Variants in COX7B2 observed in about 807,000 individuals in gnomAD.
COX7B2 encodes cytochrome c oxidase subunit 7B2, mitochondrial.
For synonymous variants in COX7B2, 37 were observed against 32.1 expected, an observed-to-expected ratio of 1.15 and a Z score of -0.51; for missense variants, 109 against 95.9, an observed-to-expected ratio of 1.14 and a Z score of -0.57.
chr4:46,872,771 C>T (rs2203139), intron 1 of COX7B2, among the ~76,000 whole-genome samples: 56,267 of 151,964 alleles, frequency 0.37, 10,572 homozygotes, highest in South Asian at 0.49. Flanking sequence ...CCTAACTTCC[C>T]TCATCCACAA....
At chr4:46,764,517 T>G (rs371495800) in intron 2 of COX7B2, among the ~76,000 whole-genome samples, 5 of 151,780 alleles carry the variant, frequency 3.3e-5, no homozygotes, top group African/African-American at 1.2e-4. Flanking sequence ...CACTCCAGTC[T>G]GGGCAACAGA....
At chr4:46,896,746 A>G (rs1166665629) in intron 1 of COX7B2, among the ~76,000 whole-genome samples, 3 of 152,168 alleles carry the variant, frequency 2.0e-5, no homozygotes, top group Admixed American at 6.5e-5. Context: ...TTTTGCCAAT[A>G]GCAAGCAACA....
chr4:46,889,751 G>A (rs1377630026), intron 1 of COX7B2, among the ~76,000 whole-genome samples: 5 of 152,076 alleles, frequency 3.3e-5, no homozygotes, highest in Non-Finnish European at 7.4e-5. Flanking sequence ...CTTAGTACAG[G>A]AACAAAGGTG....
intron 1 of COX7B2, among the ~76,000 whole-genome samples, chr4:46,897,238 C>G (rs144418747): frequency 2.1e-3 from 324 of 152,280 alleles, no homozygotes; most frequent in African/African-American, 7.4e-3. Flanking sequence ...GAACTGCCAG[C>G]TCTTGTAAAA....
At chr4:46,847,265 T>C (rs1230874524) in intron 1 of COX7B2, among the ~76,000 whole-genome samples, 1 of 151,936 alleles carries the variant, frequency 6.6e-6, no homozygotes, top group Non-Finnish European at 1.5e-5. Context: ...CGGTGAGATG[T>C]ATGTGAAGCA....
chr4:46,751,577 G>A (rs1431653485), intron 2 of COX7B2, among the ~76,000 whole-genome samples: 3 of 152,086 alleles, frequency 2.0e-5, no homozygotes, highest in Non-Finnish European at 2.9e-5. Context: ...AATCAGTTTA[G>A]TGTGAGAGCA....
At chr4:46,776,292 T>C (rs1340508322) in intron 2 of COX7B2, among the ~76,000 whole-genome samples, 1 of 152,124 alleles carries the variant, frequency 6.6e-6, no homozygotes, top group Non-Finnish European at 1.5e-5. Flanking sequence ...AATATAACTT[T>C]TTGAACTTTG....
At chr4:46,784,311 CTTAGACA>C (rs1392322728) in intron 2 of COX7B2, among the ~76,000 whole-genome samples, 1 of 151,854 alleles carries the variant, frequency 6.6e-6, no homozygotes, top group Non-Finnish European at 1.5e-5. Flanking sequence ...ATAATTTAGC[CTTAGACA>C]TTAAAGATTA....
intron 2 of COX7B2, among the ~76,000 whole-genome samples, chr4:46,834,715 T>C (rs1025349290): frequency 3.3e-5 from 5 of 152,104 alleles, no homozygotes; most frequent in African/African-American, 1.2e-4. Context: ...TATTTAAATA[T>C]AGAATATGAA....
intron 2 of COX7B2, among the ~76,000 whole-genome samples, chr4:46,790,935 A>G (rs1158478021): frequency 6.6e-6 from 1 of 152,142 alleles, no homozygotes; most frequent in Non-Finnish European, 1.5e-5. Flanking sequence ...ATTTCATGAG[A>G]GAAGTTTGTT....
chr4:46,820,470 C>T (rs550883537), intron 2 of COX7B2, among the ~76,000 whole-genome samples: 6 of 152,212 alleles, frequency 3.9e-5, no homozygotes, highest in African/African-American at 1.4e-4. Context: ...GGGCTGGTAC[C>T]GGTCCATGGC....
chr4:46,867,739 G>C (rs1199027875), intron 1 of COX7B2, among the ~76,000 whole-genome samples: 3 of 152,134 alleles, frequency 2.0e-5, no homozygotes, highest in African/African-American at 7.2e-5. Context: ...CATCATGATG[G>C]ATTTTAGCTT....
At position 46,858,716 on chromosome 4, in the gene COX7B2, A is replaced by C. The variant is rs541301584; in HGVS notation, c.-104-13702T>G. Among the ~76,000 whole-genome samples, 37 of 152,274 alleles carry C rather than the reference A, an allele frequency of 2.4e-4. No individual in the cohort carries two copies. In the South Asian group the frequency reaches 7.5e-3, roughly 31 times the overall value. ...GAATGCTGCGTGTGTGTGTGTGTAC[A>C]GATGTGGCATTTGCCTGAGTCATAG... On this transcript the variant is annotated intron_variant, in intron 1 of 2. Coordinates refer to ENST00000355591, the MANE Select transcript of COX7B2 (RefSeq NM_130902.3).
Position 46,863,732 on chromosome 4 carries a change from T to C in COX7B2, c.-104-18718A>G, listed in dbSNP as rs546760400. 1.9e-4 allele frequency among the ~76,000 whole-genome samples: 29 copies of C among 152,358 alleles called. No homozygotes were observed. In the South Asian group the frequency reaches 4.1e-3, roughly 22 times the overall value. ...TGACCTTTTCTCCTCTGGTTTTAAC[T>C]CTTCATATTGACTGATGCTGAAATA... On this transcript the variant is annotated intron_variant, in intron 1 of 2. Coordinates refer to ENST00000355591, the MANE Select transcript of COX7B2 (RefSeq NM_130902.3).
chr4:46,804,272 CAA>C (rs747361037), intron 2 of COX7B2, among the ~76,000 whole-genome samples: 32 of 152,174 alleles, frequency 2.1e-4, no homozygotes, highest in Admixed American at 2.0e-4. Context: ...AGACTTACCG[CAA>C]AGAGCGAAAG....
chr4:46,756,318 G>T (rs984830206), intron 2 of COX7B2, among the ~76,000 whole-genome samples: 1 of 151,854 alleles, frequency 6.6e-6, no homozygotes, highest in Non-Finnish European at 1.5e-5. Flanking sequence ...CTCAAGATGG[G>T]TTGAAGACCT....
chr4:46,823,870 G>A (rs1363225341), intron 2 of COX7B2, among the ~76,000 whole-genome samples: 1 of 150,098 alleles, frequency 6.7e-6, no homozygotes, highest in Non-Finnish European at 1.5e-5. Flanking sequence ...TGATCAAAAA[G>A]AGAGAGAAAG....
intron 2 of COX7B2, among the ~76,000 whole-genome samples, chr4:46,762,808 A>G (rs1000951287): frequency 1.1e-4 from 17 of 148,740 alleles, no homozygotes; most frequent in Admixed American, 2.8e-4. Context: ...GGAACAAGGA[A>G]AGTTTGCACC....
At chr4:46,838,056 G>A (rs182396511) in intron 2 of COX7B2, among the ~76,000 whole-genome samples, 50 of 152,108 alleles carry the variant, frequency 3.3e-4, no homozygotes, top group African/African-American at 1.2e-3. Flanking sequence ...TTTCATTACT[G>A]TGTTTCATAG....
Sources: allele counts gnomAD v4.1 joint callset (sites outside exome capture counted in the v4.1 genomes callset), GRCh38; gene constraint gnomAD v4.1.1; transcripts MANE v1.5; gene names NCBI Gene and HGNC (gene_info 2026-07-23, HGNC 2026-07-21).